Variants in TRMT11 observed in about 807,000 individuals in gnomAD.
The protein encoded by TRMT11 is tRNA (guanine(10)-N(2))-methyltransferase TRMT11.
TRMT11 carries 53 observed loss-of-function variants against 62.8 expected under a neutral mutation model. That is an observed-to-expected ratio of 0.84 (90% CI 0.68 to 1.06). The LOEUF (loss-of-function observed/expected upper bound fraction) is 1.06. Ranked by LOEUF, TRMT11 falls within the 50% of genes least tolerant of loss-of-function variation. TRMT11 has a pLI of 0.00. For synonymous variants in TRMT11, 188 were observed against 190.3 expected (o/e 0.99, Z 0.10); for missense variants, 556 against 553.4 (o/e 1.00, Z -0.05).
the TRMT11 span, among the ~76,000 whole-genome samples, chr6:126,243,411 T>G: frequency 2.0e-5 from 3 of 152,136 alleles, no homozygotes; most frequent in African/African-American, 7.2e-5. Context: ...GAAATACCAT[T>G]TGACCCAGCC....
intron 1 of TRMT11, among the ~76,000 whole-genome samples, chr6:126,179,240 C>G (rs184680925): frequency 6.6e-6 from 1 of 152,234 alleles, no homozygotes; most frequent in East Asian, 1.9e-4. Context: ...TGAATTACTG[C>G]TTATCTATTC....
At chr6:126,143,131 A>G (rs1777937602) in intron 21 of TRMT11, among the ~76,000 whole-genome samples, 1 of 152,110 alleles carries the variant, frequency 6.6e-6, no homozygotes, top group African/African-American at 2.4e-5. Flanking sequence ...GTCATGTTTC[A>G]CCACATGTAT....
intron 12 of TRMT11, among the ~76,000 whole-genome samples, chr6:126,035,645 G>C (rs1201913629): frequency 6.6e-6 from 1 of 152,046 alleles, no homozygotes; most frequent in Non-Finnish European, 1.5e-5. Context: ...TAGAACACAT[G>C]GTCGGTTAAG....
At chr6:126,053,899 A>G (rs1237439922) in intron 17 of TRMT11, among the ~76,000 whole-genome samples, 2 of 152,130 alleles carry the variant, frequency 1.3e-5, no homozygotes, top group Non-Finnish European at 2.9e-5. Flanking sequence ...TGATCATGTC[A>G]GGGGGTGAGG....
chr6:126,087,622 GTGTT>G (rs1018723360), intron 17 of TRMT11, among the ~76,000 whole-genome samples: 1 of 152,220 alleles, frequency 6.6e-6, no homozygotes, highest in African/African-American at 2.4e-5. Context: ...ATCATGGTGT[GTGTT>G]TGTTCACGTG....
intron 17 of TRMT11, among the ~76,000 whole-genome samples, chr6:126,085,799 A>G (rs1777211247): frequency 6.6e-6 from 1 of 152,222 alleles, no homozygotes; most frequent in African/African-American, 2.4e-5. Flanking sequence ...CACTCTGTAC[A>G]TCAGAATTGA....
chr6:126,190,263 T>C (rs1304060701), intron 1 of TRMT11, among the ~76,000 whole-genome samples: 1 of 152,146 alleles, frequency 6.6e-6, no homozygotes, highest in East Asian at 1.9e-4. Flanking sequence ...ACATCTTGAA[T>C]TGTAATCCCC....
chr6:126,206,428 C>T (rs530882213), downstream of TRMT11, among the ~76,000 whole-genome samples: 23 of 152,298 alleles, frequency 1.5e-4, no homozygotes, highest in South Asian at 2.9e-3. Context: ...CTTTGTCGGT[C>T]TATGGACCAC....
At chr6:126,045,575 AG>A (rs1396789168) in intron 16 of TRMT11, among the ~76,000 whole-genome samples, 1 of 152,244 alleles carries the variant, frequency 6.6e-6, no homozygotes, top group Non-Finnish European at 1.5e-5. Flanking sequence ...AAGTAGGTCC[AG>A]TGATAGTTAC....
At chr6:126,119,788 A>G (rs1381391641) in intron 21 of TRMT11, among the ~76,000 whole-genome samples, 5 of 152,164 alleles carry the variant, frequency 3.3e-5, no homozygotes, top group African/African-American at 1.2e-4. Flanking sequence ...AAAGGGATAA[A>G]GAACTTACAT....
At chr6:126,030,618 A>G (rs1050028278) in intron 12 of TRMT11, among the ~76,000 whole-genome samples, 3 of 152,206 alleles carry the variant, frequency 2.0e-5, no homozygotes, top group Admixed American at 6.5e-5. Flanking sequence ...TTTGTATTCA[A>G]GCGTTTGCAA....
chr6:125,997,709 A>G (rs949316211), intron 3 of TRMT11, among the ~76,000 whole-genome samples: 2 of 152,028 alleles, frequency 1.3e-5, no homozygotes, highest in African/African-American at 2.4e-5. Flanking sequence ...AGGTTTTACT[A>G]TGTTGCCCAG....
intron 17 of TRMT11, among the ~76,000 whole-genome samples, chr6:126,066,717 C>T (rs1776702621): frequency 6.6e-6 from 1 of 152,062 alleles, no homozygotes; most frequent in African/African-American, 2.4e-5. Flanking sequence ...CCTAGAGATG[C>T]TTGTAAGCCC....
intron 9 of TRMT11, among the ~76,000 whole-genome samples, chr6:126,012,320 A>G (rs1367238407): frequency 3.3e-5 from 5 of 151,960 alleles, no homozygotes; most frequent in African/African-American, 9.7e-5. Flanking sequence ...TTTTACTCCT[A>G]TACTTCAGTG....
At chr6:126,237,997 G>A in the TRMT11 span, among the ~76,000 whole-genome samples, 28 of 152,148 alleles carry the variant, frequency 1.8e-4, no homozygotes, top group African/African-American at 4.1e-4. Context: ...GTTTATTTGC[G>A]TAGAGGTGTG....
chr6:126,038,437 C>CAAAA lies in TRMT11; in HGVS notation c.1261-255_1261-252dup, dbSNP rs72178194. On this transcript the variant is annotated intron_variant, in intron 12 of 12. Coordinates refer to ENST00000334379, the MANE Select transcript of TRMT11 (RefSeq NM_001031712.3). ...TGGAACCACTCTCTTTGCCCTGAGG[C>CAAAA]AAAAAAAAAAAAAAAAGAAAAAAAG... Among the ~76,000 whole-genome samples the CAAAA allele has an allele frequency of 1.9e-3, 242 of 129,144 alleles. 2 individuals carry two copies. The highest frequency in any genetic ancestry group is 6.7e-3 in the African/African-American group (232 of 34,716). The allele number at this position is 129,144 out of a possible 152,430, so 84.7% of individuals were successfully genotyped here.
chr6:126,043,073 T>C (rs1775927153), downstream of TRMT11, among the ~76,000 whole-genome samples: 1 of 152,012 alleles, frequency 6.6e-6, no homozygotes, highest in Non-Finnish European at 1.5e-5. Flanking sequence ...ATTATTATAC[T>C]TTAAGTTTTA....
At chr6:125,991,170 T>G (rs1489371079) in intron 1 of TRMT11, among the ~76,000 whole-genome samples, 1 of 150,126 alleles carries the variant, frequency 6.7e-6, no homozygotes, top group Non-Finnish European at 1.5e-5. Context: ...CGCATGAACC[T>G]GGGAGGTGGA....
At chr6:125,996,140 A>C in intron 3 of TRMT11, 100 bp downstream of exon 3, 1 of 748,960 alleles carries the variant, frequency 1.3e-6, no homozygotes, top group Non-Finnish European at 2.2e-6. Context: ...GGCTCAGTTT[A>C]GCTTGCAGTT....
Sources: gnomAD v4.1 joint callset for allele counts (sites outside exome capture counted in the v4.1 genomes callset) on GRCh38, gnomAD v4.1.1 for gene constraint, MANE v1.5 for transcripts, NCBI Gene and HGNC (gene_info 2026-07-23, HGNC 2026-07-21) for gene names.